KCNIP4: variants seen among roughly 807,000 people sequenced by gnomAD.
KCNIP4 encodes the protein potassium voltage-gated channel interacting protein 4, also known as Kv channel-interacting protein 4.
KCNIP4 carries 12 observed loss-of-function variants against 34.0 expected under a neutral mutation model. That is an observed-to-expected ratio of 0.35 (90% CI 0.23 to 0.57). The LOEUF (loss-of-function observed/expected upper bound fraction) is 0.57, where lower values mean the gene tolerates loss of function less well. Among genes scored for constraint, KCNIP4 ranks in the 20% least tolerant of loss-of-function variants. The probability of loss-of-function intolerance (pLI) is 0.83; values close to 1 mark genes in which losing one functional copy is unlikely to be tolerated. For synonymous variants in KCNIP4, 124 were observed against 102.2 expected, an observed-to-expected ratio of 1.21 and a Z score of -1.29; for missense variants, 238 against 311.7, an observed-to-expected ratio of 0.76 and a Z score of 1.78.
At chr4:21,690,089 CATATATATGTATATATATACATATATT>C in intron 1 of KCNIP4, among the ~76,000 whole-genome samples, 1 of 147,286 alleles carries the variant, frequency 6.8e-6, no homozygotes, top group Middle Eastern at 3.6e-3. Flanking sequence ...TGCAAATATA[CATATATATGTATATATATACATATATT>C]ATATATATAT....
At chr4:21,664,594 A>T (rs1748698543) in intron 1 of KCNIP4, among the ~76,000 whole-genome samples, 1 of 152,136 alleles carries the variant, frequency 6.6e-6, no homozygotes, top group African/African-American at 2.4e-5. Context: ...GAAGTTTCTG[A>T]GGTCAGGCAC....
intron 2 of KCNIP4, among the ~76,000 whole-genome samples, chr4:20,856,781 C>T (rs1405832140): frequency 6.6e-6 from 1 of 152,130 alleles, no homozygotes; most frequent in Non-Finnish European, 1.5e-5. Context: ...CTGGGAAATA[C>T]AGCAAAAGTA....
At chr4:21,492,864 C>A (rs896951582) in intron 1 of KCNIP4, among the ~76,000 whole-genome samples, 1 of 152,172 alleles carries the variant, frequency 6.6e-6, no homozygotes, top group Non-Finnish European at 1.5e-5. Flanking sequence ...GCAAATGTCT[C>A]CCCTGCAGTT....
chr4:20,862,403 G>A (rs1195522616), intron 2 of KCNIP4, among the ~76,000 whole-genome samples: 1 of 152,118 alleles, frequency 6.6e-6, no homozygotes, highest in Non-Finnish European at 1.5e-5. Context: ...GGAATGCTGA[G>A]GGGGCAGAGG....
intron 1 of KCNIP4, among the ~76,000 whole-genome samples, chr4:21,776,186 T>G (rs551382015): frequency 6.6e-6 from 1 of 152,048 alleles, no homozygotes; most frequent in African/African-American, 2.4e-5. Context: ...GGAGAGGGGG[T>G]TCCCCTTCCC....
At chr4:21,013,129 G>A (rs1384631348) in intron 1 of KCNIP4, among the ~76,000 whole-genome samples, 1 of 152,164 alleles carries the variant, frequency 6.6e-6, no homozygotes. Flanking sequence ...TGGACAGCAG[G>A]AAAGGGTCTA....
intron 1 of KCNIP4, among the ~76,000 whole-genome samples, chr4:21,003,218 C>A (rs368009366): frequency 1.3e-5 from 2 of 152,124 alleles, no homozygotes; most frequent in African/African-American, 4.8e-5. Context: ...AAATTTGAAC[C>A]CACATCTGAT....
rs139348679 is a variant in KCNIP4, at chr4:20,880,407, T to C, written c.163+2201A>G. The stretch of plus-strand genomic sequence containing the variant: ...AATCACGAGCTAAGTCTAGCGTAGG[T>C]TCAGTATCAGCCAGTACTATACAAT... On this transcript the variant is annotated intron_variant, in intron 2 of 8. Coordinates refer to ENST00000382152, the MANE Select transcript of KCNIP4 (RefSeq NM_025221.6). 3.3e-5 allele frequency among the ~76,000 whole-genome samples: 5 copies of C among 152,314 alleles called. No homozygotes were observed. The East Asian group carries it at 9.7e-4, about 29-fold the overall frequency.
At chr4:20,805,990 T>C (rs1339986729) in intron 3 of KCNIP4, among the ~76,000 whole-genome samples, 2 of 152,176 alleles carry the variant, frequency 1.3e-5, no homozygotes, top group African/African-American at 4.8e-5. Flanking sequence ...ATTCAAATCA[T>C]CTACTATTTC....
chr4:21,623,072 T>C (rs1428971603), intron 1 of KCNIP4, among the ~76,000 whole-genome samples: 1 of 152,226 alleles, frequency 6.6e-6, no homozygotes, highest in African/African-American at 2.4e-5. Flanking sequence ...GCAAATGTCC[T>C]TGTGTTCAGT....
intron 1 of KCNIP4, among the ~76,000 whole-genome samples, chr4:21,407,151 C>T (rs922489017): frequency 6.6e-6 from 1 of 151,788 alleles, no homozygotes; most frequent in African/African-American, 2.4e-5. Context: ...CAAGATTGGA[C>T]TCTTAATTTA....
chr4:21,906,242 T>C (rs1424783492), intron 1 of KCNIP4, among the ~76,000 whole-genome samples: 1 of 152,162 alleles, frequency 6.6e-6, no homozygotes, highest in Non-Finnish European at 1.5e-5. Flanking sequence ...GAAGAGTCTT[T>C]GCAGGTGTAA....
chr4:21,893,257 A>G (rs1438609414), intron 1 of KCNIP4, among the ~76,000 whole-genome samples: 1 of 152,196 alleles, frequency 6.6e-6, no homozygotes, highest in Non-Finnish European at 1.5e-5. Flanking sequence ...AAGCCTGAGT[A>G]CATGCCATTG....
At chr4:21,296,926 G>A (rs554465707) in intron 1 of KCNIP4, among the ~76,000 whole-genome samples, 1 of 151,668 alleles carries the variant, frequency 6.6e-6, no homozygotes, top group Admixed American at 6.6e-5. Context: ...TTTAATAATC[G>A]GCATGTTGAA....
rs116821021 is a variant in KCNIP4, at chr4:21,617,357, A to G, written c.61+331214T>C. 2.1e-3 allele frequency among the ~76,000 whole-genome samples: 316 copies of G among 152,326 alleles called. 2 individuals carry two copies. Among genetic ancestry groups the G allele is most frequent in the African/African-American group, 7.2e-3 (299 of 41,586 alleles). On this transcript the variant is annotated intron_variant, in intron 1 of 8. Coordinates refer to ENST00000382152, the MANE Select transcript of KCNIP4 (RefSeq NM_025221.6). ...CATTGTTTCAGAAAAGAATATGGCA[A>G]TAAAAGTGAATTTAAATATTATGTC... is the stretch of plus-strand genomic sequence containing the variant.
intron 1 of KCNIP4, among the ~76,000 whole-genome samples, chr4:21,199,534 T>C: frequency 6.6e-6 from 1 of 152,202 alleles, no homozygotes. Flanking sequence ...TTCATTCTGA[T>C]GGTAGTTTCT....
At chr4:20,993,766 G>T (rs1327963627) in intron 1 of KCNIP4, among the ~76,000 whole-genome samples, 3 of 152,186 alleles carry the variant, frequency 2.0e-5, no homozygotes, top group African/African-American at 7.2e-5. Flanking sequence ...AAGCCTGGTG[G>T]CTAAAACTGA....
intron 1 of KCNIP4, among the ~76,000 whole-genome samples, chr4:21,040,447 T>C (rs1241994154): frequency 6.6e-6 from 1 of 152,130 alleles, no homozygotes; most frequent in East Asian, 1.9e-4. Context: ...TAAGGATAAT[T>C]AAAAAGAAAT....
chr4:21,216,007 T>C (rs554556535), intron 1 of KCNIP4, among the ~76,000 whole-genome samples: 2 of 152,178 alleles, frequency 1.3e-5, no homozygotes, highest in South Asian at 2.1e-4. Flanking sequence ...TCCAGGCTGG[T>C]CTTGAACTCC....
Sources: allele counts gnomAD v4.1 joint callset (sites outside exome capture counted in the v4.1 genomes callset), GRCh38; gene constraint gnomAD v4.1.1; transcripts MANE v1.5; gene names NCBI Gene and HGNC (gene_info 2026-07-23, HGNC 2026-07-21).